The following DPYSL3 variants were observed in gnomAD, a reference collection of about 807,000 sequenced individuals.
The protein encoded by DPYSL3 is dihydropyrimidinase-related protein 3.
DPYSL3 carries 16 observed loss-of-function variants against 66.1 expected under a neutral mutation model. The observed-to-expected ratio is 0.24, with a 90% CI of 0.16 to 0.37. DPYSL3 has a LOEUF of 0.37. DPYSL3 is among the 10% of genes least tolerant of loss of function. The pLI is 1.00. For missense variants in DPYSL3, 738 were observed against 916.2 expected (o/e 0.81, Z 2.51); for synonymous variants, 338 against 345.1 (o/e 0.98, Z 0.23).
At chr5:147,453,742 G>T (rs1166774954) in intron 1 of DPYSL3, 41 of 1,312,778 alleles carry the variant, frequency 3.1e-5, no homozygotes, top group Non-Finnish European at 3.4e-5. Flanking sequence ...CCCCTCCCGG[G>T]CTCCCGCGGC....
chr5:147,425,529 G>A (rs943281643), intron 1 of DPYSL3, among the ~76,000 whole-genome samples: 1 of 152,202 alleles, frequency 6.6e-6, no homozygotes, highest in African/African-American at 2.4e-5. Context: ...ACCGCTAGAA[G>A]GGGAAAAGGC....
chr5:147,417,260 T>C (rs925617345), intron 3 of DPYSL3, among the ~76,000 whole-genome samples: 3 of 152,196 alleles, frequency 2.0e-5, no homozygotes, highest in Non-Finnish European at 2.9e-5. Flanking sequence ...AGATCACTCA[T>C]TCCCGTAGTC....
rs545861936 is a variant in DPYSL3 at position 147,398,984 on chromosome 5, T to G, written c.1623+98A>C. 3 of 1,490,120 alleles carry G rather than the reference T, an allele frequency of 2.0e-6. No homozygotes were observed. The South Asian group carries it at 4.0e-5, about 20-fold the overall frequency. The allele number at this position is 1,490,120 out of a possible 1,614,324, so 92.3% of individuals were successfully genotyped here. On this transcript the variant is annotated intron_variant, in intron 11 of 13. Transcript: ENST00000343218. The stretch of plus-strand genomic sequence containing the variant: ...GGATTATTATTGCAACCCGTCCTAG[T>G]CTAACTACCCTGGCACACCACATAA...
intron 1 of DPYSL3, among the ~76,000 whole-genome samples, chr5:147,457,280 T>G (rs1752866468): frequency 6.6e-6 from 1 of 152,238 alleles, no homozygotes; most frequent in Non-Finnish European, 1.5e-5. Context: ...CATATTAATT[T>G]ATTATTGAAT....
chr5:147,480,460 T>A (rs1753218575), intron 1 of DPYSL3, among the ~76,000 whole-genome samples: 1 of 152,124 alleles, frequency 6.6e-6, no homozygotes, highest in Non-Finnish European at 1.5e-5. Context: ...CTGTATCAAA[T>A]CCCCTCTGTC....
At chr5:147,461,858 T>G (rs1042281112) in intron 1 of DPYSL3, among the ~76,000 whole-genome samples, 2 of 152,136 alleles carry the variant, frequency 1.3e-5, no homozygotes, top group Non-Finnish European at 2.9e-5. Context: ...TTAGCACAAC[T>G]TCCACGTTGG....
At chr5:147,478,425 G>A (rs572788490) in intron 1 of DPYSL3, among the ~76,000 whole-genome samples, 10 of 152,214 alleles carry the variant, frequency 6.6e-5, no homozygotes, top group Non-Finnish European at 1.0e-4. Context: ...CATCTAAGAA[G>A]TATGGTGTAA....
intron 1 of DPYSL3, among the ~76,000 whole-genome samples, chr5:147,476,716 G>A (rs1387520547): frequency 6.6e-6 from 1 of 152,196 alleles, no homozygotes; most frequent in Non-Finnish European, 1.5e-5. Context: ...TCTTGATGGA[G>A]TATTGTGGGA....
At chr5:147,436,179 A>T (rs1752412158) in intron 1 of DPYSL3, among the ~76,000 whole-genome samples, 1 of 152,242 alleles carries the variant, frequency 6.6e-6, no homozygotes, top group Non-Finnish European at 1.5e-5. Context: ...CGGAGTATGG[A>T]GCAGGGTAGA....
intron 1 of DPYSL3, among the ~76,000 whole-genome samples, chr5:147,433,102 T>C (rs1244748650): frequency 6.6e-6 from 1 of 152,208 alleles, no homozygotes; most frequent in Non-Finnish European, 1.5e-5. Flanking sequence ...TGTTATTTAA[T>C]GCCTTCTTCC....
chr5:147,481,669 C>T (rs1009266991), intron 1 of DPYSL3, among the ~76,000 whole-genome samples: 1 of 152,138 alleles, frequency 6.6e-6, no homozygotes, highest in African/African-American at 2.4e-5. Flanking sequence ...GGGCTCCACC[C>T]TTATGCATGG....
chr5:147,500,724 A>G (rs1401163860), intron 1 of DPYSL3, among the ~76,000 whole-genome samples: 1 of 152,214 alleles, frequency 6.6e-6, no homozygotes, highest in Non-Finnish European at 1.5e-5. Context: ...GATGTTCCAT[A>G]TCATATGCCA....
At chr5:147,401,477 C>A in intron 9 of DPYSL3, 63 bp downstream of exon 9, 1 of 1,519,146 alleles carries the variant, frequency 6.6e-7, no homozygotes, top group Non-Finnish European at 8.9e-7. Flanking sequence ...CTGTCCTCAA[C>A]CCCCAGCTGG....
chr5:147,418,085 G>C (rs1354477001), intron 3 of DPYSL3, among the ~76,000 whole-genome samples: 1 of 152,182 alleles, frequency 6.6e-6, no homozygotes, highest in East Asian at 1.9e-4. Flanking sequence ...TCAGACCCAA[G>C]TGGGCAGTTT....
At position 147,399,136 on chromosome 5, in the gene DPYSL3, G is replaced by A. The variant is rs779181977; in HGVS notation, c.1569C>T (p.Leu523=). 6.2e-6 allele frequency: 10 copies of A among 1,614,216 alleles called. No individual in the cohort carries two copies. The highest frequency in any genetic ancestry group is 3.3e-5 in the South Asian group (3 of 91,080). ...GRISVGSDSD[L]VIWDPDAVKI... is the part of the protein sequence containing the mutation. ...TCACAGCATCTGGATCCCAGATGAC[G>A]AGGTCGCTGTCAGAACCCACAGATA... The change falls in exon 11 of 14, where the codon CTC becomes CTT. Residue 523 remains leucine (L), a synonymous_variant. Transcript: ENST00000343218.
chr5:147,460,097 C>T (rs143619360), intron 1 of DPYSL3, among the ~76,000 whole-genome samples: 161 of 150,132 alleles, frequency 1.1e-3, no homozygotes, highest in African/African-American at 3.6e-3. Flanking sequence ...GGCGACAGAA[C>T]GAGACTCCGT....
At chr5:147,503,438 C>T (rs1352112995) in intron 1 of DPYSL3, among the ~76,000 whole-genome samples, 1 of 152,098 alleles carries the variant, frequency 6.6e-6, no homozygotes, top group Non-Finnish European at 1.5e-5. Context: ...GGACCACAGT[C>T]GTGCACCACC....
chr5:147,411,457 C>T (rs755248699), intron 6 of DPYSL3, among the ~76,000 whole-genome samples: 8 of 152,152 alleles, frequency 5.3e-5, no homozygotes, highest in Non-Finnish European at 1.0e-4. Context: ...TGAGGTATAT[C>T]ACCTTAGGGG....
intron 5 of DPYSL3, 96 bp from the exon 6 acceptor site, chr5:147,412,784 A>G (rs1751881426): frequency 2.8e-6 from 3 of 1,060,542 alleles, no homozygotes; most frequent in Non-Finnish European, 4.3e-6. Flanking sequence ...CAGATGGGAT[A>G]AAGCAGAGGA....
Sources: gnomAD v4.1 joint callset for allele counts (sites outside exome capture counted in the v4.1 genomes callset) on GRCh38, gnomAD v4.1.1 for gene constraint, MANE v1.5 for transcripts, NCBI Gene and HGNC (gene_info 2026-07-23, HGNC 2026-07-21) for gene names.